RBPJ: variants seen among roughly 807,000 people sequenced by gnomAD.
RBPJ encodes the protein recombination signal binding protein for immunoglobulin kappa J region.
Under a neutral mutation model 67.8 loss-of-function variants are expected in RBPJ, and 9 were observed. The ratio of observed to expected loss-of-function variants is 0.13; its 90% CI spans 0.08 to 0.23. The LOEUF (loss-of-function observed/expected upper bound fraction) is 0.23. Among genes scored for constraint, RBPJ ranks in the 10% least tolerant of loss-of-function variants. The probability of loss-of-function intolerance (pLI) is 1.00; values close to 1 mark genes in which losing one functional copy is unlikely to be tolerated. For synonymous variants in RBPJ, 198 were observed against 203.3 expected, an observed-to-expected ratio of 0.97 and a Z score of 0.22; for missense variants, 305 against 595.6, an observed-to-expected ratio of 0.51 and a Z score of 5.08.
chr4:26,136,733 G>A, the RBPJ span, among the ~76,000 whole-genome samples: 2 of 152,108 alleles, frequency 1.3e-5, no homozygotes, highest in Non-Finnish European at 2.9e-5. Context: ...GGTATTTTGT[G>A]CCAGGCACTA....
chr4:26,319,372 T>C (rs1722796412), upstream of RBPJ, among the ~76,000 whole-genome samples: 1 of 152,118 alleles, frequency 6.6e-6, no homozygotes, highest in Non-Finnish European at 1.5e-5. Flanking sequence ...GTGTGCGTGT[T>C]GTGTGCGAGA....
intron 1 of RBPJ, among the ~76,000 whole-genome samples, chr4:26,291,374 G>GT (rs35718093): frequency 0.45 from 67,448 of 150,292 alleles, 19,198 homozygotes; most frequent in Non-Finnish European, 0.59. Flanking sequence ...ACTGAAGGAT[G>GT]TTATCACAAA....
intron 1 of RBPJ, among the ~76,000 whole-genome samples, chr4:26,273,357 C>G (rs921475531): frequency 4.9e-4 from 75 of 152,226 alleles, no homozygotes; most frequent in African/African-American, 1.7e-3. Context: ...GTAGTTACCA[C>G]TTTATAAAAT....
intron 1 of RBPJ, among the ~76,000 whole-genome samples, chr4:26,308,258 A>G (rs1722309530): frequency 6.6e-6 from 1 of 152,190 alleles, no homozygotes; most frequent in Non-Finnish European, 1.5e-5. Flanking sequence ...CCTGGGTGAC[A>G]GAGCAAGACT....
At chr4:26,377,251 CAG>C (rs1036967950) in intron 1 of RBPJ, among the ~76,000 whole-genome samples, 24 of 152,136 alleles carry the variant, frequency 1.6e-4, no homozygotes, top group African/African-American at 5.6e-4. Context: ...AACTGAAGCA[CAG>C]AGAGTTTGAG....
Position 26,430,163 on chromosome 4 carries a change from T to C in RBPJ, c.1044+110T>C. 1 of 1,291,082 alleles carries C rather than the reference T, an allele frequency of 7.7e-7. No individual in the cohort carries two copies. The highest frequency in any genetic ancestry group is 1.7e-5 in the Admixed American group (1 of 57,264). The allele number at this position is 1,291,082 out of a possible 1,614,324, so 80.0% of individuals were successfully genotyped here. A position where few individuals can be genotyped will look rare whatever the true frequency, so the allele number is the denominator to read the frequency against. On this transcript the variant is annotated intron_variant, in intron 9 of 10. Transcript: ENST00000355476. The surrounding 1 kb of genome is among the most constrained non-coding windows in gnomAD (Gnocchi z 4.1). ...TTTGATTTTTCTCCAATCGTCTGAT[T>C]AGGGGATTTTTATATACACCATTTG...
chr4:26,407,888 T>C (rs1269782990), intron 3 of RBPJ, among the ~76,000 whole-genome samples: 11 of 29,764 alleles, frequency 3.7e-4, no homozygotes, highest in South Asian at 1.4e-3. Flanking sequence ...TCTTTCTTTT[T>C]TTTTTTTTTT....
At chr4:26,328,362 T>C (rs1723871227) in intron 1 of RBPJ, among the ~76,000 whole-genome samples, 2 of 152,206 alleles carry the variant, frequency 1.3e-5, no homozygotes, top group Admixed American at 1.3e-4. Flanking sequence ...CTCTTTGTGC[T>C]GGTCCTATAA....
At chr4:26,231,314 A>T (rs1047621598) in intron 1 of RBPJ, among the ~76,000 whole-genome samples, 3 of 152,186 alleles carry the variant, frequency 2.0e-5, no homozygotes, top group Non-Finnish European at 1.5e-5. Flanking sequence ...TTTGACTGAG[A>T]TGACTAATCA....
At chr4:26,278,726 T>C (rs1335338204) in intron 1 of RBPJ, among the ~76,000 whole-genome samples, 1 of 152,142 alleles carries the variant, frequency 6.6e-6, no homozygotes, top group Non-Finnish European at 1.5e-5. Flanking sequence ...TTTGCCCCTT[T>C]ACAAGTCTTT....
intron 5 of RBPJ, among the ~76,000 whole-genome samples, chr4:26,421,464 C>T (rs999847094): frequency 1.8e-4 from 28 of 151,936 alleles, no homozygotes; most frequent in Admixed American, 8.5e-4. Flanking sequence ...CCATCACGCC[C>T]GGCTGATTTT....
chr4:26,200,380 C>A (rs887113163), intron 1 of RBPJ, among the ~76,000 whole-genome samples: 1 of 152,164 alleles, frequency 6.6e-6, no homozygotes, highest in Non-Finnish European at 1.5e-5. Flanking sequence ...TAAACCCAAG[C>A]AATCATGGCC....
chr4:26,147,522 T>A, the RBPJ span, among the ~76,000 whole-genome samples: 1 of 152,226 alleles, frequency 6.6e-6, no homozygotes, highest in South Asian at 2.1e-4. Context: ...CAGCTTACAT[T>A]CTAGTTGCAA....
rs552461997 is a variant in RBPJ at position 26,336,671 on chromosome 4, A to T, written c.20+15623A>T. ...TTTCTTTACCAAAAAAAAAAAAAAA[A>T]TTTCTTTAGAAATTTAAGTAAGCTT... On this transcript the variant is annotated intron_variant, in intron 1 of 10. Transcript: ENST00000355476. 1.8e-3 allele frequency among the ~76,000 whole-genome samples: 278 copies of T among 151,284 alleles called. 3 individuals are homozygous for T. The highest frequency in any genetic ancestry group is 6.1e-3 in the African/African-American group (251 of 41,292).
chr4:26,323,417 T>C (rs945860597), intron 1 of RBPJ, among the ~76,000 whole-genome samples: 3 of 152,246 alleles, frequency 2.0e-5, no homozygotes, highest in Non-Finnish European at 4.4e-5. Flanking sequence ...CTAAATCGTG[T>C]AATACTTTTA....
intron 1 of RBPJ, among the ~76,000 whole-genome samples, chr4:26,332,744 G>A (rs140028328): frequency 6.6e-6 from 1 of 152,234 alleles, no homozygotes; most frequent in East Asian, 1.9e-4. Context: ...TGAAACTCCT[G>A]GACTCAATCC....
intron 1 of RBPJ, among the ~76,000 whole-genome samples, chr4:26,275,715 C>G (rs1721056726): frequency 6.6e-6 from 1 of 152,110 alleles, no homozygotes; most frequent in Admixed American, 6.5e-5. Flanking sequence ...ACTGCAACCT[C>G]CGCCTCTTGG....
At chr4:26,325,710 G>A (rs1723555561) in intron 1 of RBPJ, among the ~76,000 whole-genome samples, 1 of 152,164 alleles carries the variant, frequency 6.6e-6, no homozygotes, top group Non-Finnish European at 1.5e-5. Context: ...TTCTCCAGCT[G>A]AGTTGTTTGC....
chr4:26,319,880 G>A, upstream of RBPJ: 1 of 1,600,362 alleles, frequency 6.2e-7, no homozygotes, highest in Middle Eastern at 1.7e-4. Flanking sequence ...GAAAGATGGG[G>A]GGCTGCAGGT....
Sources: allele counts gnomAD v4.1 joint callset (sites outside exome capture counted in the v4.1 genomes callset), GRCh38; gene constraint gnomAD v4.1.1; non-coding constraint Gnocchi (gnomAD v3.1); transcripts MANE v1.5; gene names NCBI Gene and HGNC (gene_info 2026-07-23, HGNC 2026-07-21).